DMXL1: variants seen among roughly 807,000 people sequenced by gnomAD.
DMXL1 encodes dmX-like protein 1.
A neutral mutation model predicts 319.2 loss-of-function variants in DMXL1; 99 were observed. The observed-to-expected ratio is 0.31, with a 90% confidence interval of 0.26 to 0.37. DMXL1 has a LOEUF of 0.37. Among genes scored for constraint, DMXL1 ranks in the 10% least tolerant of loss-of-function variants. DMXL1 has a pLI of 1.00. For synonymous variants in DMXL1, 1,385 were observed against 1,235.2 expected, an observed-to-expected ratio of 1.12 and a Z score of -2.54; for missense variants, 3,745 against 3,595.6, an observed-to-expected ratio of 1.04 and a Z score of -1.06.
chr5:119,150,489 T>C, intron 18 of DMXL1, 68 bp downstream of exon 18: 1 of 1,473,312 alleles, frequency 6.8e-7, no homozygotes, highest in Non-Finnish European at 9.0e-7. Flanking sequence ...AAATAATTTT[T>C]ATTAAAATGA....
At chr5:119,078,811 A>C (rs550867909) in intron 1 of DMXL1, among the ~76,000 whole-genome samples, 14 of 152,338 alleles carry the variant, frequency 9.2e-5, no homozygotes, top group Admixed American at 8.5e-4. Context: ...GAAGATAACT[A>C]TATGGAAATC....
intron 9 of DMXL1, chr5:119,128,267 T>G (rs953345972): frequency 3.4e-6 from 1 of 296,540 alleles, no homozygotes; most frequent in Non-Finnish European, 6.6e-6. Context: ...GTAAAGTTTC[T>G]GAATCCAGAT....
chr5:119,101,286 T>A (rs544357436), intron 2 of DMXL1, among the ~76,000 whole-genome samples: 69 of 152,260 alleles, frequency 4.5e-4, no homozygotes, highest in Middle Eastern at 3.4e-3. Context: ...TTTCTTACCT[T>A]CTCTTTACTA....
rs1393373505 is a variant in DMXL1, at chr5:119,172,395, C to T, written c.6681+426C>T. ...TTAAGGATAATGTGAACTATTTGCC[C>T]CTGTCATCCTTCTAGGATAGGCAGT... On this transcript the variant is annotated intron_variant, in intron 25 of 43. Coordinates refer to ENST00000539542, the MANE Select transcript of DMXL1 (RefSeq NM_001290321.3). 2.0e-5 allele frequency among the ~76,000 whole-genome samples: 3 copies of T among 152,216 alleles called. No individual in the cohort carries two copies. In the East Asian group the frequency reaches 5.8e-4, roughly 29 times the overall value.
intron 1 of DMXL1, among the ~76,000 whole-genome samples, chr5:119,078,565 T>C (rs1751507339): frequency 1.3e-5 from 2 of 152,130 alleles, no homozygotes; most frequent in Admixed American, 1.3e-4. Context: ...GTCTTCCCAC[T>C]TCAGTCTCCC....
chr5:119,176,664 A>G (rs1034735251), intron 26 of DMXL1, among the ~76,000 whole-genome samples: 1 of 152,084 alleles, frequency 6.6e-6, no homozygotes, highest in African/African-American at 2.4e-5. Flanking sequence ...GCTATATTTA[A>G]GTATATTCAT....
In DMXL1 at chr5:119,197,847, G is replaced by A. The variant is rs759498161; in HGVS notation, c.7636G>A (p.Gly2546Arg). The change falls in exon 32 of 44, where the codon GGG becomes AGG. Residue 2546 changes from glycine (G) to arginine (R), a missense_variant. By Grantham distance (125) the Gly-to-Arg change is moderately radical. Coordinates refer to ENST00000539542, the MANE Select transcript of DMXL1 (RefSeq NM_001290321.3). ...VLLRRLEIHG[G>R]PPQNYIASHT... is the part of the protein sequence containing the mutation. ...TCTCCGACGACTTGAAATCCATGGTGGGCCACCTCAAAATTATATCGCAAG... is the reference window on the plus strand; with the variant it reads ...TCTCCGACGACTTGAAATCCATGGTAGGCCACCTCAAAATTATATCGCAAG... 1.1e-5 allele frequency: 17 copies of A among 1,614,120 alleles called. No individual in the cohort carries two copies. Among genetic ancestry groups the A allele is most frequent in the Non-Finnish European group, 1.3e-5 (15 of 1,180,006 alleles).
chr5:119,193,316 A>G (rs530488158), intron 29 of DMXL1, among the ~76,000 whole-genome samples: 2 of 151,750 alleles, frequency 1.3e-5, no homozygotes, highest in Non-Finnish European at 2.9e-5. Flanking sequence ...TTCAAACCAA[A>G]CTCTTTCCCA....
chr5:119,142,431 C>T (rs1056481859), intron 13 of DMXL1, among the ~76,000 whole-genome samples: 7 of 150,830 alleles, frequency 4.6e-5, no homozygotes, highest in African/African-American at 1.5e-4. Flanking sequence ...TGATAAAAAG[C>T]TCAATCACTG....
At chr5:119,206,550 T>C (rs946182658) in intron 33 of DMXL1, 1 of 223,512 alleles carries the variant, frequency 4.5e-6, no homozygotes, top group Non-Finnish European at 8.7e-6. Flanking sequence ...TCAATCGTGC[T>C]TTAATGTCAA....
Position 119,084,864 on chromosome 5 carries a change from C to CAAA in DMXL1, c.88-13100_88-13098dup, listed in dbSNP as rs767235744. On this transcript the variant is annotated intron_variant, in intron 1 of 43. Transcript: ENST00000539542. ...GGGCAACAAGAGTGAAACTCCGTCT[C>CAAA]AAAAAAAAAAAAAAAAAGATCCTAA... Among the ~76,000 whole-genome samples the CAAA allele has an allele frequency of 3.3e-3, 232 of 69,930 alleles. 1 individual carries two copies. The highest frequency in any genetic ancestry group is 0.01 in the African/African-American group (216 of 21,302). The allele number at this position is 69,930 out of a possible 152,430, so 45.9% of individuals were successfully genotyped here.
chr5:119,246,336 C>A (rs79203574), intron 43 of DMXL1, among the ~76,000 whole-genome samples: 2 of 152,158 alleles, frequency 1.3e-5, no homozygotes, highest in Non-Finnish European at 2.9e-5. Flanking sequence ...TACACCTATA[C>A]GGCAAAAGCT....
At chr5:119,186,993 G>A (rs1012585706) in intron 28 of DMXL1, among the ~76,000 whole-genome samples, 3 of 151,966 alleles carry the variant, frequency 2.0e-5, no homozygotes, top group African/African-American at 7.3e-5. Flanking sequence ...GTTAATGGGT[G>A]CAGCACACCA....
chr5:119,133,083 G>T (rs1308150172), intron 10 of DMXL1, 49 bp from the exon 11 acceptor site: 1 of 1,596,126 alleles, frequency 6.3e-7, no homozygotes, highest in African/African-American at 1.3e-5. Flanking sequence ...TTAATTTATA[G>T]TAATAACCTG....
At chr5:119,114,033 C>A (rs531490772) in intron 5 of DMXL1, among the ~76,000 whole-genome samples, 8 of 152,154 alleles carry the variant, frequency 5.3e-5, no homozygotes, top group Non-Finnish European at 1.2e-4. Flanking sequence ...AGCTGGTAGG[C>A]TGAATTCCTA....
At chr5:119,192,764 C>A (rs888328213) in intron 29 of DMXL1, among the ~76,000 whole-genome samples, 5 of 151,944 alleles carry the variant, frequency 3.3e-5, no homozygotes, top group African/African-American at 1.2e-4. Context: ...AATCTTCTTT[C>A]TTCATCCTTC....
intron 1 of DMXL1, among the ~76,000 whole-genome samples, chr5:119,095,545 G>T (rs1755755234): frequency 6.6e-6 from 1 of 152,158 alleles, no homozygotes. Flanking sequence ...GTACAACAAA[G>T]GTGAAGTTGT....
intron 41 of DMXL1, among the ~76,000 whole-genome samples, chr5:119,239,969 A>AC (rs895582383): frequency 3.3e-5 from 5 of 151,092 alleles, no homozygotes; most frequent in African/African-American, 7.3e-5. Flanking sequence ...CAAAAAAAAA[A>AC]AAAAACAAAA....
At chr5:119,081,871 C>T (rs565463738) in intron 1 of DMXL1, among the ~76,000 whole-genome samples, 2 of 151,794 alleles carry the variant, frequency 1.3e-5, no homozygotes, top group Non-Finnish European at 2.9e-5. Flanking sequence ...TGGGGTCCTG[C>T]TATCTAAAAA....
Sources: gnomAD v4.1 joint callset for allele counts (sites outside exome capture counted in the v4.1 genomes callset) on GRCh38, gnomAD v4.1.1 for gene constraint, MANE v1.5 for transcripts, NCBI Gene and HGNC (gene_info 2026-07-23, HGNC 2026-07-21) for gene names.